The following PCDHGB2 variants were observed in gnomAD, a reference collection of about 807,000 sequenced individuals.
The protein encoded by PCDHGB2 is protocadherin gamma subfamily B, 2.
In PCDHGB2, 55 loss-of-function variants were observed where a neutral mutation model predicts 59.3. The observed-to-expected ratio is 0.93, with a 90% confidence interval of 0.75 to 1.16. The LOEUF (loss-of-function observed/expected upper bound fraction) is 1.16. PCDHGB2 is among the 50% of genes most tolerant of loss of function. PCDHGB2 has a pLI of 0.00. For synonymous variants in PCDHGB2, 516 were observed against 512.0 expected, an observed-to-expected ratio of 1.01 and a Z score of -0.11; for missense variants, 1,228 against 1,198.5, an observed-to-expected ratio of 1.02 and a Z score of -0.36.
intron 1 of PCDHGB2, chr5:141,393,668 T>C (rs1048580916): frequency 6.2e-7 from 1 of 1,613,872 alleles, no homozygotes. Context: ...GGAAAATTAA[T>C]GAAAAACAAA....
chr5:141,396,274 C>G (rs2093362401), intron 1 of PCDHGB2: 2 of 152,252 alleles, frequency 1.3e-5, no homozygotes, highest in African/African-American at 2.4e-5. Flanking sequence ...GAGCTATGAT[C>G]ATGCCACTGC....
chr5:141,362,652 A>G, intron 1 of PCDHGB2, 96 bp downstream of exon 1: 1 of 1,421,164 alleles, frequency 7.0e-7, no homozygotes. Flanking sequence ...TGTGAGTTAG[A>G]TTTGGCCAAT....
rs373424450 is a variant in PCDHGB2, at chr5:141,450,829, AT to A, written c.2422-43965del. 1.1e-3 allele frequency among the ~76,000 whole-genome samples: 154 copies of A among 135,102 alleles called. 1 individual carries two copies. Among genetic ancestry groups the A allele is most frequent in the South Asian group, 8.9e-3 (38 of 4,254 alleles). 88.6% of individuals were successfully genotyped at this position (135,102 alleles called of 152,430 possible). ...TTATTTATTTAATATTATTATTATTATTTTTTTTTTTTTGAGATGGGGTCTT... is the reference window on the plus strand; with the variant it reads ...TTATTTATTTAATATTATTATTATTATTTTTTTTTTTTGAGATGGGGTCTT... On this transcript the variant is annotated intron_variant, in intron 1 of 3. Transcript: ENST00000522605.
intron 1 of PCDHGB2, chr5:141,364,801 G>A: frequency 1.2e-6 from 2 of 1,613,992 alleles, no homozygotes; most frequent in Non-Finnish European, 1.7e-6. Flanking sequence ...TTCCCTTCGC[G>A]CGGGATGCGG....
chr5:141,476,952 T>A lies in PCDHGB2; in HGVS notation c.2422-17855T>A, dbSNP rs1463851594. On this transcript the variant is annotated intron_variant, in intron 1 of 3. Transcript: ENST00000522605. This position sits in a 1 kb window ranked among gnomAD's most constrained non-coding sequence, Gnocchi z 7.6. ...CTGGATGAAGGCCCCAACGGTGAAA[T>A]TATTTACTCCTTCGGCAGCCACAAC... 1 of 1,614,052 alleles carries A rather than the reference T, an allele frequency of 6.2e-7. No individual in the cohort carries two copies. Among genetic ancestry groups the A allele is most frequent in the Non-Finnish European group, 8.5e-7 (1 of 1,180,038 alleles).
chr5:141,469,517 G>A (rs1416478511), intron 1 of PCDHGB2, among the ~76,000 whole-genome samples: 1 of 152,198 alleles, frequency 6.6e-6, no homozygotes, highest in Non-Finnish European at 1.5e-5. Flanking sequence ...GGAGGTTGCA[G>A]TGAGCCAAGA....
intron 1 of PCDHGB2, chr5:141,394,313 C>T (rs2092972755): frequency 1.2e-6 from 2 of 1,614,022 alleles, no homozygotes; most frequent in East Asian, 2.2e-5. Flanking sequence ...AGGGGGCGCC[C>T]CTGTCCTCGT....
At chr5:141,388,920 A>G in intron 1 of PCDHGB2, 2 of 1,613,996 alleles carry the variant, frequency 1.2e-6, no homozygotes, top group Non-Finnish European at 1.7e-6. Flanking sequence ...CCCAGAAGTG[A>G]TATTCCAGTC....
intron 1 of PCDHGB2, chr5:141,394,548 C>T (rs1176145709): frequency 6.2e-7 from 1 of 1,614,160 alleles, no homozygotes; most frequent in Admixed American, 1.7e-5. Context: ...GGAGCTGGCG[C>T]CCCGCTCCGC....
At chr5:141,430,559 G>C in intron 1 of PCDHGB2, 1 of 418,772 alleles carries the variant, frequency 2.4e-6, no homozygotes. Flanking sequence ...CACCAATCGG[G>C]GAGAGAAAAG....
rs558467940 is a variant in PCDHGB2, at chr5:141,373,761, G to C, written c.2421+11205G>C. Among the ~76,000 whole-genome samples the C allele has an allele frequency of 9.2e-5, 14 of 152,338 alleles. No individual in the cohort carries two copies. The East Asian group carries it at 2.5e-3, about 27-fold the overall frequency. ...ATTATCTTGGGGAGGGAAATATTAT[G>C]AGTGTCATCTCTGCAGATTTAGCAG... On this transcript the variant is annotated intron_variant, in intron 1 of 3. Transcript: ENST00000522605.
intron 1 of PCDHGB2, chr5:141,364,723 G>T: frequency 6.2e-7 from 1 of 1,613,938 alleles, no homozygotes; most frequent in Non-Finnish European, 8.5e-7. Flanking sequence ...ATAACTTCCC[G>T]CGTTTCCGGG....
intron 1 of PCDHGB2, chr5:141,404,766 C>T (rs1489047184): frequency 6.2e-7 from 1 of 1,613,940 alleles, no homozygotes; most frequent in East Asian, 2.2e-5. Flanking sequence ...GCTTGGCTCT[C>T]CTACCGCCTA....
intron 1 of PCDHGB2, chr5:141,415,028 C>T (rs756347396): frequency 3.1e-6 from 5 of 1,613,524 alleles, no homozygotes; most frequent in Middle Eastern, 1.7e-4. Context: ...GCCAGCGAGC[C>T]GGGACTCTTC....
Position 141,362,467 on chromosome 5 carries a change from C to A in PCDHGB2, c.2332C>A (p.Gln778Lys), listed in dbSNP as rs771966305. The change falls in exon 1 of 4, where the codon CAA (glutamine) becomes AAA (lysine). Residue 778 changes from glutamine to lysine, a missense_variant. Gln to Lys is a moderately conservative substitution (Grantham distance 53). Around this residue, in one of 3 missense-constraint regions of PCDHGB2, gnomAD observed 433 missense variants for 441.8 expected, o/e 0.98. Transcript: ENST00000522605. Reference sequence around the variant, plus strand: ...CATAACCCCGGAATTGGTTCCCGCGCAAGATCTCGTCTGTGACAATGCCTC... The same window carrying A: ...CATAACCCCGGAATTGGTTCCCGCGAAAGATCTCGTCTGTGACAATGCCTC... ...LNITPELVPA[Q>K]DLVCDNASWE... 1 of 1,614,052 alleles carries A rather than the reference C, an allele frequency of 6.2e-7. No homozygotes were observed. The highest frequency in any genetic ancestry group is 1.1e-5 in the South Asian group (1 of 91,080).
chr5:141,383,368 G>C, intron 1 of PCDHGB2: 1 of 1,614,014 alleles, frequency 6.2e-7, no homozygotes, highest in Middle Eastern at 1.6e-4. Context: ...GTTAAGCGAG[G>C]CTGGGGATCC....
At position 141,477,483 on chromosome 5, in the gene PCDHGB2, A is replaced by T; in HGVS notation, c.2422-17324A>T. ...TCCGACATCAATGACAACCCTCCAC[A>T]ATCTTCTCAATCTTCCTACGACGTT... On this transcript the variant is annotated intron_variant, in intron 1 of 3. Coordinates refer to ENST00000522605, the MANE Select transcript of PCDHGB2 (RefSeq NM_018923.3). The surrounding 1 kb of genome is among the most constrained non-coding windows in gnomAD (Gnocchi z 4.9). 1 of 1,614,028 alleles carries T rather than the reference A, an allele frequency of 6.2e-7. No homozygotes were observed.
rs201006002 is a variant in PCDHGB2, at chr5:141,432,497, C to G, written c.2422-62310C>G. Reference sequence around the variant, plus strand: ...TTCCACTGGCGTGGAGCTGGCTCCCCGCTCCGCAGAGCCCGGCTACCTGGT... The same window carrying G: ...TTCCACTGGCGTGGAGCTGGCTCCCGGCTCCGCAGAGCCCGGCTACCTGGT... On this transcript the variant is annotated intron_variant, in intron 1 of 3. Transcript: ENST00000522605. This position sits in a 1 kb window ranked among gnomAD's most constrained non-coding sequence, Gnocchi z 6.0. The G allele has an allele frequency of 1.1e-5, 18 of 1,614,182 alleles. No homozygotes were observed. In the East Asian group the frequency reaches 4.0e-4, roughly 36 times the overall value.
intron 1 of PCDHGB2, among the ~76,000 whole-genome samples, chr5:141,442,921 CATTTTCTA>C (rs1366534082): frequency 6.6e-6 from 1 of 152,196 alleles, no homozygotes. Context: ...ACAACTGTTT[CATTTTCTA>C]TTTAAGAAAC....
Sources: gnomAD v4.1 joint callset for allele counts (sites outside exome capture counted in the v4.1 genomes callset) on GRCh38, gnomAD v4.1.1 for gene constraint, gnomAD v4.1.1 regional missense constraint, Gnocchi (gnomAD v3.1) non-coding constraint, MANE v1.5 for transcripts, NCBI Gene and HGNC (gene_info 2026-07-23, HGNC 2026-07-21) for gene names.